TTLL5: variants seen among roughly 807,000 people sequenced by gnomAD.
The protein encoded by TTLL5 is tubulin polyglutamylase TTLL5.
Under a neutral mutation model 168.4 loss-of-function variants are expected in TTLL5, and 132 were observed. That is an observed-to-expected ratio of 0.78 (90% CI 0.68 to 0.91). The LOEUF (loss-of-function observed/expected upper bound fraction) is 0.91. TTLL5 is among the 40% of genes least tolerant of loss of function. TTLL5 has a pLI of 0.00. For synonymous variants in TTLL5, 546 were observed against 558.6 expected, an observed-to-expected ratio of 0.98 and a Z score of 0.32; for missense variants, 1,545 against 1,581.5, an observed-to-expected ratio of 0.98 and a Z score of 0.39.
At chr14:75,896,046 A>C (rs1199591593) in intron 30 of TTLL5, among the ~76,000 whole-genome samples, 1 of 152,224 alleles carries the variant, frequency 6.6e-6, no homozygotes, top group Non-Finnish European at 1.5e-5. Context: ...TATATTTATA[A>C]AATGGAGTCC....
intron 15 of TTLL5, chr14:75,737,604 G>A: frequency 6.5e-7 from 1 of 1,535,678 alleles, no homozygotes; most frequent in Admixed American, 2.0e-5. Flanking sequence ...CAAAGGCCAA[G>A]CAGGTAAGTT....
chr14:75,669,567 A>G, intron 3 of TTLL5, 45 bp downstream of exon 3: 1 of 1,547,432 alleles, frequency 6.5e-7, no homozygotes. Context: ...GGCATGGCCC[A>G]GACGTCCTTG....
chr14:75,872,333 T>G (rs1388927921), intron 29 of TTLL5, among the ~76,000 whole-genome samples: 1 of 152,242 alleles, frequency 6.6e-6, no homozygotes, highest in Non-Finnish European at 1.5e-5. Context: ...AAAAGAGATA[T>G]GATTTAAATA....
chr14:75,915,534 C>T (rs2033585933), intron 31 of TTLL5, among the ~76,000 whole-genome samples: 1 of 152,226 alleles, frequency 6.6e-6, no homozygotes, highest in Admixed American at 6.5e-5. Flanking sequence ...GGCCCTGTCA[C>T]TGTCCAGTTG....
rs775067030 is a variant in TTLL5, at chr14:75,663,041, T to C, written c.-95-14T>C. 1 of 885,698 alleles carries C rather than the reference T, an allele frequency of 1.1e-6. No individual in the cohort carries two copies. Among genetic ancestry groups the C allele is most frequent in the Non-Finnish European group, 1.9e-6 (1 of 537,402 alleles). 54.9% of individuals were successfully genotyped at this position (885,698 alleles called of 1,614,324 possible). On this transcript the variant is annotated splice_polypyrimidine_tract_variant and intron_variant, in intron 1 of 31. Coordinates refer to ENST00000298832, the MANE Select transcript of TTLL5 (RefSeq NM_015072.5). ...TTTCAGGTCAATTGATCCAATCAAG[T>C]TGATTTCTTGCAGGAATCTGTGCCA...
chr14:75,720,508 C>A, intron 11 of TTLL5, 88 bp from the exon 12 acceptor site: 1 of 1,013,798 alleles, frequency 9.9e-7, no homozygotes, highest in Non-Finnish European at 1.5e-6. Flanking sequence ...AGCACACATG[C>A]TTTTATAGTT....
rs1196986733 is a variant in TTLL5, at chr14:75,718,089, A to C, written c.842+127A>C. ...TAATGTCCATGTACCATTTATGGAA[A>C]TCTGTCAGTCATATAACAGTGTTGA... On this transcript the variant is annotated intron_variant, in intron 10 of 31. Coordinates refer to ENST00000298832, the MANE Select transcript of TTLL5 (RefSeq NM_015072.5). 14 of 777,288 alleles carry C rather than the reference A, an allele frequency of 1.8e-5. No individual in the cohort carries two copies. The East Asian group carries it at 3.5e-4, about 19-fold the overall frequency. 48.1% of individuals were successfully genotyped at this position (777,288 alleles called of 1,614,324 possible). A position where few individuals can be genotyped will look rare whatever the true frequency, so the allele number is the denominator to read the frequency against.
intron 10 of TTLL5, among the ~76,000 whole-genome samples, chr14:75,718,668 A>G (rs985332306): frequency 6.6e-6 from 1 of 152,216 alleles, no homozygotes; most frequent in Non-Finnish European, 1.5e-5. Flanking sequence ...ATGATCAAGA[A>G]AAAGAAAAGG....
At position 75,902,198 on chromosome 14, in the gene TTLL5, C is replaced by T. The variant is rs1566652856; in HGVS notation, c.3797C>T (p.Ala1266Val). ...CTCCAGAGCAGCCTTAACCCTGCAG[C>T]CTTTGTGCCCATCACCAGCTCTACA... ...NGLQSSLNPA[A>V]FVPITSSTDP... The change falls in exon 31 of 32, where the codon GCC becomes GTC. Residue 1266 changes from alanine (A) to valine (V), a missense_variant. Coordinates refer to ENST00000298832, the MANE Select transcript of TTLL5 (RefSeq NM_015072.5). 2.5e-6 allele frequency: 4 copies of T among 1,614,154 alleles called. No individual in the cohort carries two copies. Among genetic ancestry groups the T allele is most frequent in the Non-Finnish European group, 3.4e-6 (4 of 1,180,008 alleles).
intron 28 of TTLL5, among the ~76,000 whole-genome samples, chr14:75,826,556 GTTTAC>G (rs1028085624): frequency 7.9e-5 from 12 of 152,094 alleles, no homozygotes; most frequent in African/African-American, 2.7e-4. Flanking sequence ...TTATTTAACT[GTTTAC>G]TTTATAATTT....
chr14:75,867,191 G>A (rs1463547054), intron 29 of TTLL5, among the ~76,000 whole-genome samples: 3 of 152,054 alleles, frequency 2.0e-5, no homozygotes, highest in African/African-American at 4.8e-5. Flanking sequence ...TGAGTGTGGC[G>A]GTCTTTCAAC....
At chr14:75,922,623 C>T (rs2033866728) in intron 31 of TTLL5, among the ~76,000 whole-genome samples, 1 of 152,166 alleles carries the variant, frequency 6.6e-6, no homozygotes, top group African/African-American at 2.4e-5. Context: ...CTGCTGGATT[C>T]AGTTTGCCAG....
chr14:75,817,861 G>A (rs1342984423), intron 27 of TTLL5, among the ~76,000 whole-genome samples: 20 of 111,668 alleles, frequency 1.8e-4, no homozygotes, highest in Admixed American at 5.4e-4. Context: ...TTTTTGAGAC[G>A]GAGTCTCACT....
At chr14:75,810,502 G>A (rs1893929320) in intron 27 of TTLL5, among the ~76,000 whole-genome samples, 1 of 151,720 alleles carries the variant, frequency 6.6e-6, no homozygotes, top group Non-Finnish European at 1.5e-5. Context: ...CAAGTAGCTA[G>A]GACTACAGGC....
chr14:75,896,618 G>A (rs1466254583), intron 30 of TTLL5, among the ~76,000 whole-genome samples: 1 of 152,182 alleles, frequency 6.6e-6, no homozygotes, highest in African/African-American at 2.4e-5. Flanking sequence ...TTGGGGATGT[G>A]GAAAGCCTTG....
intron 31 of TTLL5, among the ~76,000 whole-genome samples, chr14:75,922,722 A>G (rs989818499): frequency 6.6e-6 from 1 of 152,178 alleles, no homozygotes; most frequent in African/African-American, 2.4e-5. Flanking sequence ...GGGCTTTGGT[A>G]TCAGGATGAT....
intron 28 of TTLL5, among the ~76,000 whole-genome samples, chr14:75,851,211 G>C (rs1475069334): frequency 6.6e-6 from 1 of 151,812 alleles, no homozygotes; most frequent in Non-Finnish European, 1.5e-5. Context: ...AAAGCATAGA[G>C]TATGGACTCA....
rs548233185 is a variant in TTLL5 at position 75,782,231 on chromosome 14, G to A, written c.2516-256G>A. On this transcript the variant is annotated intron_variant, in intron 24 of 31. Transcript: ENST00000298832. ...CTAGCTTGTTGGCTGTCCGTGGATG[G>A]CTGCCCTGGGTTTAGGTACCGTTCG... 2.3e-3 allele frequency among the ~76,000 whole-genome samples: 345 copies of A among 152,166 alleles called. 1 individual carries two copies. Among genetic ancestry groups the A allele is most frequent in the African/African-American group, 8.1e-3 (336 of 41,496 alleles).
At position 75,934,985 on chromosome 14, in the gene TTLL5, C is replaced by T. The variant is rs368928751; in HGVS notation, c.3824-19439C>T. On this transcript the variant is annotated intron_variant, in intron 31 of 31. Transcript: ENST00000298832. ...ATAAATATAAAGCAGCAGTCATATT[C>T]TGGAGCCTTTAAGAACTAATAGGAA... Among the ~76,000 whole-genome samples, 13 of 152,324 alleles carry T rather than the reference C, an allele frequency of 8.5e-5. No individual in the cohort carries two copies. The East Asian group carries it at 2.5e-3, about 29-fold the overall frequency.
Sources: gnomAD v4.1 joint callset for allele counts (sites outside exome capture counted in the v4.1 genomes callset) on GRCh38, gnomAD v4.1.1 for gene constraint, MANE v1.5 for transcripts, NCBI Gene and HGNC (gene_info 2026-07-23, HGNC 2026-07-21) for gene names.